Variants in VPS9D1 observed in about 807,000 individuals in gnomAD.
VPS9D1 encodes the protein VPS9 domain-containing protein 1.
A neutral mutation model predicts 75.8 loss-of-function variants in VPS9D1; 78 were observed. That is an observed-to-expected ratio of 1.03 (90% CI 0.86 to 1.24). VPS9D1 has a LOEUF of 1.24. Ranked by LOEUF, VPS9D1 falls within the 50% of genes most tolerant of loss-of-function variation. The pLI is 0.00. For synonymous variants in VPS9D1, 481 were observed against 385.6 expected (o/e 1.25, Z -2.90); for missense variants, 1,057 against 847.7 (o/e 1.25, Z -3.07).
In VPS9D1 at chr16:89,711,374, A is replaced by G. The variant is rs1366930457; in HGVS notation, c.786T>C (p.Asn262=). The G allele has an allele frequency of 1.3e-5, 21 of 1,610,964 alleles. No homozygotes were observed. The highest frequency in any genetic ancestry group is 1.8e-5 in the Non-Finnish European group (21 of 1,178,692). The change falls in exon 9 of 15, where the codon AAT becomes AAC. Residue 262 remains asparagine (N), a synonymous_variant. Transcript: ENST00000389386. The stretch of plus-strand genomic sequence containing the variant: ...TGGTCACGAGTGACAGGTCCCCCGG[A>G]TTCCTCTTGAGCTTGGCCTTCCAGT... ...PKHWKAKLKR[N]PGDLSLVTSL...
In VPS9D1 at chr16:89,708,921, C is replaced by A. The variant is rs1293993352; in HGVS notation, c.1633G>T (p.Asp545Tyr). Residue 545 changes from aspartate (D) to tyrosine (Y), a missense_variant, in exon 13 of 15, where the codon GAC becomes TAC. Asp to Tyr is a radical substitution (Grantham distance 160). Coordinates refer to ENST00000389386, the MANE Select transcript of VPS9D1 (RefSeq NM_004913.3). ...TLRIICVCAE[D>Y]YCPTPEATPQ... ...GTGGCCTCTGGGGTGGGGCAGTAGTCTTCCGCACAGACACAGATGATCCGC... is the reference window on the plus strand; with the variant it reads ...GTGGCCTCTGGGGTGGGGCAGTAGTATTCCGCACAGACACAGATGATCCGC... The A allele has an allele frequency of 6.2e-7, 1 of 1,603,668 alleles. No individual in the cohort carries two copies. Among genetic ancestry groups the A allele is most frequent in the Non-Finnish European group, 8.5e-7 (1 of 1,176,770 alleles).
rs2060915507 is a variant in VPS9D1 at position 89,711,393 on chromosome 16, T to TTCCAGTGCTTCGGCCAG, written c.750_766dup (p.Lys256ThrfsTer20). The TTCCAGTGCTTCGGCCAG allele has an allele frequency of 6.2e-6, 10 of 1,609,506 alleles. No individual in the cohort carries two copies. Among genetic ancestry groups the TTCCAGTGCTTCGGCCAG allele is most frequent in the Non-Finnish European group, 8.5e-6 (10 of 1,178,014 alleles). ...CCCCGGATTCCTCTTGAGCTTGGCC[T>TTCCAGTGCTTCGGCCAG]TCCAGTGCTTCGGCCAGTCCTACGG... On this transcript the variant is annotated frameshift_variant, in exon 9 of 15. Coordinates refer to ENST00000389386, the MANE Select transcript of VPS9D1 (RefSeq NM_004913.3). LOFTEE classifies it high-confidence loss of function.
rs371498174 is a variant in VPS9D1 at position 89,709,205 on chromosome 16, C to A, written c.1597+22G>T. 8 of 1,611,704 alleles carry A rather than the reference C, an allele frequency of 5.0e-6. No individual in the cohort carries two copies. In the East Asian group the frequency reaches 6.7e-5, roughly 13 times the overall value. On this transcript the variant is annotated intron_variant, in intron 12 of 14. Coordinates refer to ENST00000389386, the MANE Select transcript of VPS9D1 (RefSeq NM_004913.3). ...ACTGGGATGGGAGCCTGTCCCTCCC[C>A]CTGACTCTCGAACCTGCTGACCTAT...
chr16:89,712,042 C>T lies in VPS9D1; in HGVS notation c.659+5G>A, dbSNP rs562330606. 9 of 1,548,964 alleles carry T rather than the reference C, an allele frequency of 5.8e-6. No individual in the cohort carries two copies. Among genetic ancestry groups the T allele is most frequent in the South Asian group, 4.8e-5 (4 of 83,998 alleles). ...AGCGGCCCCAGGGGCGGGCAGGAGT[C>T]CCACCTGTTGGCGGCCTCCTGGAGC... On this transcript the variant is annotated splice_donor_5th_base_variant and intron_variant, in intron 7 of 14. Coordinates refer to ENST00000389386, the MANE Select transcript of VPS9D1 (RefSeq NM_004913.3).
At position 89,710,859 on chromosome 16, in the gene VPS9D1, G is replaced by T; in HGVS notation, c.985C>A (p.Gln329Lys). 1 of 1,514,268 alleles carries T rather than the reference G, an allele frequency of 6.6e-7. No homozygotes were observed. The highest frequency in any genetic ancestry group is 1.2e-5 in the South Asian group (1 of 81,522). The allele number at this position is 1,514,268 out of a possible 1,614,324, so 93.8% of individuals were successfully genotyped here. Residue 329 changes from glutamine (Q) to lysine (K), a missense_variant, in exon 10 of 15, where the codon CAG (glutamine) becomes AAG (lysine). Physicochemically the swap from Gln to Lys is moderately conservative, Grantham distance 53. Transcript: ENST00000389386. ...NPGSRRLRPS[Q>K]SLHCMLSPPE... ...GGGGACAGCATGCAATGGAGGCTCTGCGAGGGCCGCAGCCGTCGGCTTCCG... is the reference window on the plus strand; with the variant it reads ...GGGGACAGCATGCAATGGAGGCTCTTCGAGGGCCGCAGCCGTCGGCTTCCG...
chr16:89,720,511 G>C, intron 1 of VPS9D1: 1 of 1,144,674 alleles, frequency 8.7e-7, no homozygotes, highest in African/African-American at 1.6e-5. Flanking sequence ...TACAGGTGGA[G>C]CCCAGGCTGT....
Position 89,710,750 on chromosome 16 carries a change from G to A in VPS9D1, c.1094C>T (p.Pro365Leu), listed in dbSNP as rs1014568403. 1.3e-5 allele frequency: 20 copies of A among 1,576,208 alleles called. No individual in the cohort carries two copies. In the Admixed American group the frequency reaches 1.5e-4, roughly 12 times the overall value. Reference sequence around the variant, plus strand: ...CAATCCAGATGCGGTGTCCCCCAGGGGTGAGGGAGACCCCACGGGGCCGGG... The same window carrying A: ...CAATCCAGATGCGGTGTCCCCCAGGAGTGAGGGAGACCCCACGGGGCCGGG... ...LQPGPVGSPS[P>L]LGDTASGLPD... Residue 365 changes from proline to leucine, a missense_variant, in exon 10 of 15, where the codon CCC (proline) becomes CTC (leucine). Coordinates refer to ENST00000389386, the MANE Select transcript of VPS9D1 (RefSeq NM_004913.3).
chr16:89,719,262 G>A (rs908717698), intron 1 of VPS9D1, 160 bp from the exon 2 acceptor site: 16 of 721,290 alleles, frequency 2.2e-5, no homozygotes, highest in Non-Finnish European at 3.2e-5. Context: ...AGCTGCAGCC[G>A]GAACACGGTT....
chr16:89,715,022 C>T (rs1438227704), intron 4 of VPS9D1, among the ~76,000 whole-genome samples: 1 of 152,192 alleles, frequency 6.6e-6, no homozygotes, highest in Non-Finnish European at 1.5e-5. Flanking sequence ...CTCCAACGAA[C>T]ACGTTAGGCT....
At chr16:89,716,958 C>G in intron 2 of VPS9D1, 136 bp from the exon 3 acceptor site, 1 of 737,356 alleles carries the variant, frequency 1.4e-6, no homozygotes. Flanking sequence ...GGCAAGCCCA[C>G]TGCCCCCCCA....
rs781461653 is a variant in VPS9D1, at chr16:89,707,844, C to T, written c.*17G>A. ...AGGCGAGGCCAGGCCCTGCAGGGAC[C>T]CTGGGCTCTAGCTGTACTACTTGGC... is the stretch of plus-strand genomic sequence containing the variant. On this transcript the variant is annotated 3_prime_UTR_variant, in exon 15 of 15. Transcript: ENST00000389386. 2 of 1,612,390 alleles carry T rather than the reference C, an allele frequency of 1.2e-6. No homozygotes were observed. The highest frequency in any genetic ancestry group is 4.5e-5 in the East Asian group (2 of 44,868).
chr16:89,714,384 G>A (rs894142243), intron 4 of VPS9D1, among the ~76,000 whole-genome samples: 7 of 152,224 alleles, frequency 4.6e-5, no homozygotes, highest in Non-Finnish European at 1.0e-4. Context: ...CAAACAGCCA[G>A]ATTAGTCTGT....
Position 89,709,803 on chromosome 16 carries a change from C to T in VPS9D1, c.1362G>A (p.Leu454=). ...TGTACAGGGCCAGCAGCAGAGGCCA[C>T]AGCGGGGAGAAAAAGGGTTCCTCAA... ...ACIEEPFFSP[L]WPLLLALYRS... The change falls in exon 11 of 15, where the codon CTG becomes CTA. Residue 454 remains leucine, a synonymous_variant. Coordinates refer to ENST00000389386, the MANE Select transcript of VPS9D1 (RefSeq NM_004913.3). 1 of 1,613,622 alleles carries T rather than the reference C, an allele frequency of 6.2e-7. No individual in the cohort carries two copies. Among genetic ancestry groups the T allele is most frequent in the South Asian group, 1.1e-5 (1 of 91,072 alleles).
Position 89,708,857 on chromosome 16 carries a change from A to G in VPS9D1, c.1697T>C (p.Ile566Thr), listed in dbSNP as rs745464445. The change falls in exon 13 of 15, where the codon ATT becomes ACT. Residue 566 changes from isoleucine to threonine, a missense_variant and splice_region_variant. Physicochemically the swap from Ile to Thr is moderately conservative, Grantham distance 89. Coordinates refer to ENST00000389386, the MANE Select transcript of VPS9D1 (RefSeq NM_004913.3). ...CACACCTCGCCCTCCTGGGACTCAC[A>G]TGGCAGCTGCAGCGATGGGCGGGGG... ...AGPPPIAAAA[I>T]GADDLLPILS... is the part of the protein sequence containing the mutation. The G allele has an allele frequency of 3.8e-6, 6 of 1,579,322 alleles. No individual in the cohort carries two copies. Among genetic ancestry groups the G allele is most frequent in the Non-Finnish European group, 5.1e-6 (6 of 1,170,144 alleles).
chr16:89,720,530 G>A (rs1237675361), intron 1 of VPS9D1: 5 of 1,160,992 alleles, frequency 4.3e-6, no homozygotes, highest in Non-Finnish European at 5.3e-6. Flanking sequence ...GTGATGCACC[G>A]GCTCAGCGAG....
chr16:89,708,067 G>T, intron 14 of VPS9D1, 113 bp from the exon 15 acceptor site: 1 of 1,033,100 alleles, frequency 9.7e-7, no homozygotes, highest in Non-Finnish European at 1.5e-6. Flanking sequence ...CTGAGGGTGG[G>T]CAGGTGGGGC....
At chr16:89,712,921 C>G (rs891765011) in intron 4 of VPS9D1, 1 of 482,708 alleles carries the variant, frequency 2.1e-6, no homozygotes, top group South Asian at 3.2e-5. Flanking sequence ...CAGTGGCTCC[C>G]GCCTCTAATG....
In VPS9D1 at chr16:89,710,909, C is replaced by T; in HGVS notation, c.935G>A (p.Gly312Asp). ...AVSRAAAPAP[G>D]CCPPTPNPGS... is the part of the protein sequence containing the mutation. ...GGGGTTGGGGGTCGGGGGGCAGCAG[C>T]CTGGGGCTGGCGCGGCTGCTCTGCT... The change falls in exon 10 of 15, where the codon GGC becomes GAC. Residue 312 changes from glycine (G) to aspartate (D), a missense_variant. Coordinates refer to ENST00000389386, the MANE Select transcript of VPS9D1 (RefSeq NM_004913.3). The T allele has an allele frequency of 6.7e-7, 1 of 1,492,874 alleles. No homozygotes were observed. Among genetic ancestry groups the T allele is most frequent in the Non-Finnish European group, 8.9e-7 (1 of 1,126,196 alleles). 92.5% of individuals were successfully genotyped at this position (1,492,874 alleles called of 1,614,324 possible). A position where few individuals can be genotyped will look rare whatever the true frequency, so the allele number is the denominator to read the frequency against.
intron 2 of VPS9D1, chr16:89,718,180 C>T (rs1010575301): frequency 2.5e-6 from 1 of 407,340 alleles, no homozygotes; most frequent in Admixed American, 2.6e-5. Flanking sequence ...CCTCTCCTTG[C>T]CAGTTTGCTC....
Sources: allele counts gnomAD v4.1 joint callset (sites outside exome capture counted in the v4.1 genomes callset), GRCh38; gene constraint gnomAD v4.1.1; transcripts MANE v1.5; gene names NCBI Gene and HGNC (gene_info 2026-07-23, HGNC 2026-07-21).